Variants in SMCHD1 observed in about 807,000 individuals in gnomAD.
The protein encoded by SMCHD1 is structural maintenance of chromosomes flexible hinge domain-containing protein 1.
A neutral mutation model predicts 254.7 loss-of-function variants in SMCHD1; 78 were observed. The observed-to-expected ratio is 0.31, with a 90% CI of 0.26 to 0.37. The LOEUF (loss-of-function observed/expected upper bound fraction) is 0.37. SMCHD1 is among the 10% of genes least tolerant of loss of function. The pLI, the probability that SMCHD1 is intolerant of heterozygous loss-of-function variation, is 1.00. For synonymous variants in SMCHD1, 766 were observed against 794.9 expected (o/e 0.96, Z 0.61); for missense variants, 1,840 against 2,408.1 (o/e 0.76, Z 4.94).
intron 9 of SMCHD1, among the ~76,000 whole-genome samples, chr18:2,697,437 AG>A (rs2074308456): frequency 6.6e-6 from 1 of 152,202 alleles, no homozygotes; most frequent in Non-Finnish European, 1.5e-5. Context: ...TTTTGTTTGT[AG>A]AAGTTATATC....
intron 27 of SMCHD1, 70 bp from the exon 28 acceptor site, chr18:2,740,633 A>C: frequency 1.4e-6 from 1 of 693,138 alleles, no homozygotes; most frequent in Non-Finnish European, 2.2e-6. Flanking sequence ...GCATGTTTTT[A>C]TAGTGTATTG....
Position 2,718,179 on chromosome 18 carries a change from T to C in SMCHD1, c.2282T>C (p.Ile761Thr), listed in dbSNP as rs1330312760. Reference protein sequence around the residue: ...ILHSSSGNKEIISHISQHGGK... With the variant: ...ILHSSSGNKETISHISQHGGK... ...TAAGCTTCAAGTGGAAATAAAGAGATTATTTCGCATATTAGTCAACATGGA... is the reference window on the plus strand; with the variant it reads ...TAAGCTTCAAGTGGAAATAAAGAGACTATTTCGCATATTAGTCAACATGGA... The change falls in exon 18 of 48, where the codon ATT becomes ACT. Residue 761 changes from isoleucine (I) to threonine (T), a missense_variant. Ile to Thr is a moderately conservative substitution (Grantham distance 89, BLOSUM62 -1). Around this residue, in one of 9 missense-constraint regions of SMCHD1, gnomAD observed 498 missense variants for 743.5 expected, o/e 0.67. Transcript: ENST00000320876. This position sits in a 1 kb window ranked among gnomAD's most constrained non-coding sequence, Gnocchi z 4.6. 6.2e-7 allele frequency: 1 copy of C among 1,612,026 alleles called. No individual in the cohort carries two copies. The highest frequency in any genetic ancestry group is 1.7e-5 in the Admixed American group (1 of 59,760).
At chr18:2,802,484 A>T (rs1332945163) in intron 47 of SMCHD1, 44 bp from the exon 48 acceptor site, 17 of 1,504,218 alleles carry the variant, frequency 1.1e-5, no homozygotes, top group Middle Eastern at 3.4e-4. Flanking sequence ...AGGGAAAGGA[A>T]ACCTTTGGTA....
intron 8 of SMCHD1, among the ~76,000 whole-genome samples, chr18:2,696,612 A>G (rs2074290683): frequency 6.6e-6 from 1 of 152,212 alleles, no homozygotes; most frequent in Admixed American, 6.5e-5. Context: ...TATTGAGATT[A>G]GATACCTAAT....
At chr18:2,698,468 G>C (rs1029335196) in intron 10 of SMCHD1, among the ~76,000 whole-genome samples, 1 of 151,778 alleles carries the variant, frequency 6.6e-6, no homozygotes, top group Non-Finnish European at 1.5e-5. Context: ...TGTTTTTGTT[G>C]TCATTTTATG....
intron 21 of SMCHD1, among the ~76,000 whole-genome samples, chr18:2,725,644 C>T (rs1220706264): frequency 6.6e-6 from 1 of 151,702 alleles, no homozygotes; most frequent in Non-Finnish European, 1.5e-5. Context: ...AAAATTTTCC[C>T]TATCCGTGTG....
At position 2,704,625 on chromosome 18, in the gene SMCHD1, TTTGG is replaced by T. The variant is rs550380062; in HGVS notation, c.1842+745_1842+748del. ...GAGGATTTTTTTTTTTTTTTTTTAC[TTTGG>T]TTGGTCGTGTGGGCTGGAAGAACAG... On this transcript the variant is annotated intron_variant, in intron 13 of 47. Coordinates refer to ENST00000320876, the MANE Select transcript of SMCHD1 (RefSeq NM_015295.3). 2.3e-3 allele frequency among the ~76,000 whole-genome samples: 334 copies of T among 147,100 alleles called. 5 individuals are homozygous for T. The highest frequency in any genetic ancestry group is 3.0e-3 in the Non-Finnish European group (196 of 65,988).
At chr18:2,660,305 G>A (rs1033153225) in intron 1 of SMCHD1, among the ~76,000 whole-genome samples, 3 of 152,024 alleles carry the variant, frequency 2.0e-5, no homozygotes, top group Non-Finnish European at 4.4e-5. Context: ...AGCCTGGGTG[G>A]CAGAGCGAGA....
At chr18:2,772,223 T>C in intron 40 of SMCHD1, 27 bp from the exon 41 acceptor site, 1 of 1,535,220 alleles carries the variant, frequency 6.5e-7, no homozygotes, top group South Asian at 1.3e-5. Context: ...ATTGGTCTTG[T>C]AGTTAATTTT....
Position 2,656,227 on chromosome 18 carries a change from C to A in SMCHD1, c.152C>A (p.Ser51Ter). Residue 51 changes from serine to a stop codon, truncating the protein, a stop_gained, in exon 1 of 48, where the codon TCG becomes TAG. Transcript: ENST00000320876. LOFTEE classifies it high-confidence loss of function. ...GDRPLQVGERSDYAGFRACVC... is the reference protein window; with the variant it reads ...GDRPLQVGER The stretch of plus-strand genomic sequence containing the variant: ...CGGCCTCTGCAGGTCGGGGAGCGCT[C>A]GGACTACGCGGGATTTCGCGCGTGT... 1 of 1,502,180 alleles carries A rather than the reference C, an allele frequency of 6.7e-7. No homozygotes were observed. Among genetic ancestry groups the A allele is most frequent in the South Asian group, 1.3e-5 (1 of 75,428 alleles). The allele number at this position is 1,502,180 out of a possible 1,614,324, so 93.1% of individuals were successfully genotyped here.
At chr18:2,676,153 G>C (rs2073743538) in intron 5 of SMCHD1, among the ~76,000 whole-genome samples, 1 of 152,120 alleles carries the variant, frequency 6.6e-6, no homozygotes, top group Non-Finnish European at 1.5e-5. Context: ...TAGAAGAAAG[G>C]CAAGAACAGG....
At chr18:2,688,571 A>G in intron 6 of SMCHD1, 57 bp from the exon 7 acceptor site, 2 of 1,582,530 alleles carry the variant, frequency 1.3e-6, no homozygotes, top group South Asian at 2.2e-5. Context: ...GACTCTGTCT[A>G]AATGCATTAA....
chr18:2,705,586 G>T, intron 13 of SMCHD1, 108 bp from the exon 14 acceptor site: 1 of 458,094 alleles, frequency 2.2e-6, no homozygotes, highest in South Asian at 5.0e-5. Context: ...TAGTTACCAA[G>T]GTTTTTTTCT....
intron 22 of SMCHD1, among the ~76,000 whole-genome samples, chr18:2,727,530 A>G (rs868782738): frequency 5.9e-5 from 9 of 152,088 alleles, no homozygotes; most frequent in Non-Finnish European, 1.3e-4. Context: ...TAGTAGCTAG[A>G]TAGTTCTTTT....
intron 32 of SMCHD1, 26 bp from the exon 33 acceptor site, chr18:2,751,250 GAT>G: frequency 1.6e-6 from 2 of 1,270,404 alleles, no homozygotes. Context: ...ACTAGAAAGA[GAT>G]AATTTTTTAA....
intron 45 of SMCHD1, among the ~76,000 whole-genome samples, chr18:2,786,109 G>T (rs1352581840): frequency 6.6e-6 from 1 of 152,040 alleles, no homozygotes; most frequent in East Asian, 1.9e-4. Context: ...GGTCTCCCGG[G>T]ATCAAGCAAT....
chr18:2,777,980 T>C, intron 43 of SMCHD1, 65 bp downstream of exon 43: 1 of 1,112,046 alleles, frequency 9.0e-7, no homozygotes, highest in Non-Finnish European at 1.3e-6. Flanking sequence ...AATCTATAAA[T>C]TACTGATAAT....
At chr18:2,768,599 A>G (rs1489058454) in intron 37 of SMCHD1, among the ~76,000 whole-genome samples, 1 of 135,390 alleles carries the variant, frequency 7.4e-6, no homozygotes, top group African/African-American at 2.6e-5. Flanking sequence ...ATGAATGAGT[A>G]GTATAGTATA....
chr18:2,736,543 C>A (rs1260410980), intron 25 of SMCHD1, among the ~76,000 whole-genome samples: 1 of 152,050 alleles, frequency 6.6e-6, no homozygotes, highest in Non-Finnish European at 1.5e-5. Context: ...CTATAAGGAA[C>A]TTTAACAAGC....
Sources: gnomAD v4.1 joint callset for allele counts (sites outside exome capture counted in the v4.1 genomes callset) on GRCh38, gnomAD v4.1.1 for gene constraint, gnomAD v4.1.1 regional missense constraint, Gnocchi (gnomAD v3.1) non-coding constraint, MANE v1.5 for transcripts, NCBI Gene and HGNC (gene_info 2026-07-23, HGNC 2026-07-21) for gene names.